SIPA1L2: variants seen among roughly 807,000 people sequenced by gnomAD.
SIPA1L2 encodes signal-induced proliferation-associated 1-like protein 2.
Under a neutral mutation model 163.9 loss-of-function variants are expected in SIPA1L2, and 56 were observed. The ratio of observed to expected loss-of-function variants is 0.34; its 90% CI spans 0.28 to 0.43. The LOEUF (loss-of-function observed/expected upper bound fraction) is 0.43. SIPA1L2 is among the 20% of genes least tolerant of loss of function. The pLI is 1.00. For synonymous variants in SIPA1L2, 877 were observed against 865.7 expected (o/e 1.01, Z -0.23); for missense variants, 1,974 against 2,193.5 (o/e 0.90, Z 2.00).
At chr1:232,451,648 C>T (rs971190011) in intron 10 of SIPA1L2, among the ~76,000 whole-genome samples, 7 of 152,132 alleles carry the variant, frequency 4.6e-5, no homozygotes, top group African/African-American at 1.2e-4. Context: ...GGCTTCCTCT[C>T]GATATACCAA....
intron 3 of SIPA1L2, among the ~76,000 whole-genome samples, chr1:232,494,940 CA>C (rs1236842919): frequency 2.6e-5 from 4 of 151,926 alleles, no homozygotes; most frequent in African/African-American, 9.7e-5. Context: ...GTTTTGGCTA[CA>C]AAGAAACATA....
chr1:232,553,336 G>A (rs955067030), intron 2 of SIPA1L2, among the ~76,000 whole-genome samples: 15 of 152,016 alleles, frequency 9.9e-5, no homozygotes, highest in South Asian at 2.1e-4. Context: ...TCATCTGCCC[G>A]TCTGCTCATG....
At chr1:232,409,961 ATTACT>A (rs71933895) in intron 19 of SIPA1L2, among the ~76,000 whole-genome samples, 9,953 of 152,212 alleles carry the variant, frequency 0.065, 347 homozygotes, top group South Asian at 0.085. Flanking sequence ...AAAATATCTA[ATTACT>A]TTACCTATTT....
At chr1:232,547,549 A>G (rs1171640174) in intron 2 of SIPA1L2, among the ~76,000 whole-genome samples, 2 of 125,978 alleles carry the variant, frequency 1.6e-5, no homozygotes, top group Non-Finnish European at 3.2e-5. Flanking sequence ...AATGTGCCCT[A>G]ATGATCACTG....
intron 10 of SIPA1L2, among the ~76,000 whole-genome samples, chr1:232,446,372 C>T (rs1663218857): frequency 6.6e-6 from 1 of 152,156 alleles, no homozygotes; most frequent in Admixed American, 6.5e-5. Flanking sequence ...AAATAAGACC[C>T]TCTAAGCAAA....
intron 11 of SIPA1L2, among the ~76,000 whole-genome samples, chr1:232,444,372 C>A (rs1166659627): frequency 1.3e-5 from 2 of 151,940 alleles, no homozygotes; most frequent in Non-Finnish European, 2.9e-5. Context: ...TCTGCAGATC[C>A]CCTTCCTTCT....
chr1:232,596,733 T>C (rs142961031), intron 1 of SIPA1L2, among the ~76,000 whole-genome samples: 186 of 152,334 alleles, frequency 1.2e-3, no homozygotes, highest in African/African-American at 3.9e-3. Flanking sequence ...AAACAATCAC[T>C]ACAGGGAAGA....
chr1:232,593,593 C>A (rs1661077933), intron 1 of SIPA1L2, among the ~76,000 whole-genome samples: 1 of 152,118 alleles, frequency 6.6e-6, no homozygotes. Context: ...TGGTTTTGTT[C>A]AAATGATTAC....
intron 7 of SIPA1L2, among the ~76,000 whole-genome samples, chr1:232,472,584 T>A (rs1664853696): frequency 6.6e-6 from 1 of 152,234 alleles, no homozygotes; most frequent in Non-Finnish European, 1.5e-5. Flanking sequence ...CTTATGCAAG[T>A]GAAGGCATAG....
chr1:232,431,817 C>T (rs1662261904), intron 16 of SIPA1L2, among the ~76,000 whole-genome samples: 1 of 152,170 alleles, frequency 6.6e-6, no homozygotes, highest in East Asian at 1.9e-4. Context: ...CAACCTCAAA[C>T]CTAACAACTA....
chr1:232,426,608 C>T (rs1447906745), intron 17 of SIPA1L2, among the ~76,000 whole-genome samples: 2 of 151,964 alleles, frequency 1.3e-5, no homozygotes, highest in Admixed American at 6.6e-5. Context: ...TGCAGTGAGC[C>T]GAGATCGTGC....
At chr1:232,498,699 T>C (rs917760890) in intron 3 of SIPA1L2, among the ~76,000 whole-genome samples, 1 of 152,216 alleles carries the variant, frequency 6.6e-6, no homozygotes, top group African/African-American at 2.4e-5. Flanking sequence ...AGTGGTCACA[T>C]TGCCTTTCTC....
rs765824846 is a variant in SIPA1L2 at position 232,432,460 on chromosome 1, T to G, written c.4043A>C (p.His1348Pro). The G allele has an allele frequency of 7.4e-6, 12 of 1,614,046 alleles. No homozygotes were observed. The highest frequency in any genetic ancestry group is 9.3e-6 in the Non-Finnish European group (11 of 1,179,988). The change falls in exon 16 of 23, where the codon CAT becomes CCT. Residue 1348 changes from histidine (H) to proline (P), a missense_variant. Transcript: ENST00000674635. ...EISSHSSGSH[H>P]SGSPSAHCSK... ...ACAGTGAGCTGAAGGGCTTCCTGAA[T>G]GGTGAGAACCACTGAGGAGAAAAAC...
At chr1:232,564,608 T>A (rs889968968) in intron 2 of SIPA1L2, among the ~76,000 whole-genome samples, 1 of 152,026 alleles carries the variant, frequency 6.6e-6, no homozygotes, top group Admixed American at 6.5e-5. Context: ...AAGTACAAAG[T>A]TAAAAGCTAC....
intron 2 of SIPA1L2, among the ~76,000 whole-genome samples, chr1:232,524,316 C>T (rs1016479815): frequency 6.6e-6 from 1 of 152,080 alleles, no homozygotes; most frequent in African/African-American, 2.4e-5. Flanking sequence ...CCACTTCTGA[C>T]CAAGCAAGTT....
At chr1:232,589,733 A>G (rs1237490213) in intron 1 of SIPA1L2, among the ~76,000 whole-genome samples, 1 of 152,210 alleles carries the variant, frequency 6.6e-6, no homozygotes. Flanking sequence ...CAACAACTTT[A>G]CTACAGGAAT....
At chr1:232,584,233 C>G (rs1022308794) in intron 1 of SIPA1L2, among the ~76,000 whole-genome samples, 2 of 147,392 alleles carry the variant, frequency 1.4e-5, no homozygotes, top group African/African-American at 5.0e-5. Flanking sequence ...TTAGTCCAAT[C>G]TTTTTTTTTT....
At chr1:232,627,018 T>A (rs1663112782) in intron 1 of SIPA1L2, among the ~76,000 whole-genome samples, 1 of 152,076 alleles carries the variant, frequency 6.6e-6, no homozygotes, top group Non-Finnish European at 1.5e-5. Flanking sequence ...TCTAGGACTG[T>A]ACTTTGTATT....
intron 4 of SIPA1L2, among the ~76,000 whole-genome samples, chr1:232,492,693 G>A (rs1375042166): frequency 3.9e-5 from 6 of 152,170 alleles, no homozygotes; most frequent in African/African-American, 1.4e-4. Flanking sequence ...CATGGGGCCT[G>A]TAGCCTCTTC....
Sources: allele counts gnomAD v4.1 joint callset (sites outside exome capture counted in the v4.1 genomes callset), GRCh38; gene constraint gnomAD v4.1.1; transcripts MANE v1.5; gene names NCBI Gene and HGNC (gene_info 2026-07-23, HGNC 2026-07-21).